RYR2: variants seen among roughly 807,000 people sequenced by gnomAD.
The protein encoded by RYR2 is cardiac muscle ryanodine receptor-calcium release channel.
A neutral mutation model predicts 601.1 loss-of-function variants in RYR2; 227 were observed. The observed-to-expected ratio is 0.38, with a 90% CI of 0.34 to 0.42. RYR2 has a LOEUF of 0.42. RYR2 is among the 10% of genes least tolerant of loss of function. The probability of loss-of-function intolerance (pLI) is 1.00; values close to 1 mark genes in which losing one functional copy is unlikely to be tolerated. For synonymous variants in RYR2, 2,223 were observed against 2,175.1 expected (o/e 1.02, Z -0.61); for missense variants, 4,646 against 6,156.5 (o/e 0.75, Z 8.21).
At chr1:237,807,571 C>T (rs1163681354) in intron 99 of RYR2, among the ~76,000 whole-genome samples, 4 of 152,078 alleles carry the variant, frequency 2.6e-5, no homozygotes, top group East Asian at 1.9e-4. Flanking sequence ...AGGCTGGTCT[C>T]GAACTTCTGA....
Position 237,615,882 on chromosome 1 carries a change from A to T in RYR2, c.5715+1039A>T, listed in dbSNP as rs562467432. Among the ~76,000 whole-genome samples, 23 of 152,346 alleles carry T rather than the reference A, an allele frequency of 1.5e-4. No homozygotes were observed. In the South Asian group the frequency reaches 4.6e-3, roughly 30 times the overall value. On this transcript the variant is annotated intron_variant, in intron 37 of 104. Transcript: ENST00000366574. ...GACCCCTCAGAGATTTTGACTTTTA[A>T]GCTGAGTTCAGATTTAAGAGTTGTG...
chr1:237,439,372 C>T (rs1182058075), intron 12 of RYR2, among the ~76,000 whole-genome samples: 3 of 152,126 alleles, frequency 2.0e-5, no homozygotes, highest in East Asian at 1.9e-4. Flanking sequence ...CGGCCGGGAG[C>T]GGTGGCTCAC....
At chr1:237,523,600 G>A (rs113342977) in intron 24 of RYR2, among the ~76,000 whole-genome samples, 3,308 of 152,124 alleles carry the variant, frequency 0.022, 39 homozygotes, top group African/African-American at 0.028. Flanking sequence ...AGCTGCACGT[G>A]GTGGCAGGCG....
intron 84 of RYR2, 24 bp downstream of exon 84, chr1:237,761,052 G>T: frequency 7.3e-7 from 1 of 1,368,332 alleles, no homozygotes; most frequent in South Asian, 1.3e-5. Context: ...ACATTAAAAG[G>T]ATCACCTGTC....
At position 237,456,622 on chromosome 1, in the gene RYR2, A is replaced by C. The variant is rs753135870; in HGVS notation, c.1499A>C (p.Glu500Ala). ...CAGGGAATGATCAACCTCGTGCTTGAGTGCATAGACCGTTTGCACGTCTAC... is the reference window on the plus strand; with the variant it reads ...CAGGGAATGATCAACCTCGTGCTTGCGTGCATAGACCGTTTGCACGTCTAC... ...QEEGMINLVL[E>A]CIDRLHVYSS... The change falls in exon 16 of 105, where the codon GAG becomes GCG. Residue 500 changes from glutamate (E) to alanine (A), a missense_variant. Physicochemically the swap from Glu to Ala is moderately radical, Grantham distance 107 (BLOSUM62 -1). Coordinates refer to ENST00000366574, the MANE Select transcript of RYR2 (RefSeq NM_001035.3). The C allele has an allele frequency of 6.3e-7, 1 of 1,576,732 alleles. No individual in the cohort carries two copies. The highest frequency in any genetic ancestry group is 1.2e-5 in the South Asian group (1 of 85,132).
At chr1:237,715,023 A>G (rs1401510803) in intron 71 of RYR2, among the ~76,000 whole-genome samples, 3 of 124,986 alleles carry the variant, frequency 2.4e-5, no homozygotes, top group African/African-American at 2.9e-5. Context: ...AAAAAAAAAA[A>G]GGGCTCAGGT....
At chr1:237,438,626 T>C (rs1707619297) in intron 12 of RYR2, among the ~76,000 whole-genome samples, 1 of 152,238 alleles carries the variant, frequency 6.6e-6, no homozygotes, top group African/African-American at 2.4e-5. Context: ...AAAGATTTTG[T>C]AGATAACTTT....
intron 41 of RYR2, among the ~76,000 whole-genome samples, chr1:237,629,759 G>T (rs2148675525): frequency 6.6e-6 from 1 of 152,182 alleles, no homozygotes. Flanking sequence ...TAATGATACA[G>T]ACTGTTTCAT....
At chr1:237,693,371 G>A (rs192801695) in intron 63 of RYR2, among the ~76,000 whole-genome samples, 5 of 152,240 alleles carry the variant, frequency 3.3e-5, no homozygotes, top group African/African-American at 7.2e-5. Flanking sequence ...GAAAAGGCAG[G>A]CATGAAATAT....
Position 237,832,658 on chromosome 1 carries a change from A to G in RYR2, c.*11A>G. ...GACCAGCTAAATTAAACTCAGACCC[A>G]ATCACCTCTAAAAACCAAAACCCTA... On this transcript the variant is annotated 3_prime_UTR_variant, in exon 105 of 105. Transcript: ENST00000366574. 1 of 1,573,300 alleles carries G rather than the reference A, an allele frequency of 6.4e-7. No individual in the cohort carries two copies. Among genetic ancestry groups the G allele is most frequent in the Non-Finnish European group, 8.7e-7 (1 of 1,145,048 alleles).
chr1:237,550,469 G>T lies in RYR2; in HGVS notation c.3067-75G>T, dbSNP rs193282498. On this transcript the variant is annotated intron_variant, in intron 26 of 104. Transcript: ENST00000366574. ...GTTTTTCTCATGGAATTTAAAGTTTGATGTATTTGGTAGCTACTTATTTCT... is the reference window on the plus strand; with the variant it reads ...GTTTTTCTCATGGAATTTAAAGTTTTATGTATTTGGTAGCTACTTATTTCT... 1.1e-4 allele frequency: 173 copies of T among 1,510,046 alleles called. 4 individuals are homozygous for T. The African/African-American group carries it at 2.0e-3, about 18-fold the overall frequency. 93.5% of individuals were successfully genotyped at this position (1,510,046 alleles called of 1,614,324 possible).
At chr1:237,174,712 C>T (rs1339484307) in intron 1 of RYR2, among the ~76,000 whole-genome samples, 1 of 152,134 alleles carries the variant, frequency 6.6e-6, no homozygotes, top group East Asian at 1.9e-4. Context: ...ATGGTGACTC[C>T]ATTTTAATTT....
chr1:237,075,185 T>C (rs1288136868), intron 1 of RYR2, among the ~76,000 whole-genome samples: 1 of 151,852 alleles, frequency 6.6e-6, no homozygotes, highest in Non-Finnish European at 1.5e-5. Flanking sequence ...TTTTCTGCCT[T>C]TTTTTTTGGC....
At chr1:237,087,186 G>C (rs944550618) in intron 1 of RYR2, among the ~76,000 whole-genome samples, 1 of 152,160 alleles carries the variant, frequency 6.6e-6, no homozygotes, top group African/African-American at 2.4e-5. Flanking sequence ...ATTAGTTGCT[G>C]GTGCTTCCAG....
intron 1 of RYR2, among the ~76,000 whole-genome samples, chr1:237,088,614 C>T (rs1224271363): frequency 1.3e-5 from 2 of 152,136 alleles, no homozygotes; most frequent in Non-Finnish European, 1.5e-5. Context: ...ATCATTCTTC[C>T]ATGTTTTTGA....
At chr1:237,702,176 C>T in intron 66 of RYR2, 117 bp downstream of exon 66, 1 of 618,406 alleles carries the variant, frequency 1.6e-6, no homozygotes, top group Non-Finnish European at 2.8e-6. Context: ...ACCGGATTGA[C>T]CTTTGAAATT....
intron 18 of RYR2, 76 bp from the exon 19 acceptor site, chr1:237,492,878 A>AG (rs2150419954): frequency 3.0e-6 from 4 of 1,325,640 alleles, no homozygotes; most frequent in South Asian, 1.4e-5. Flanking sequence ...GAAGAAGGGA[A>AG]GGAAGGAAGG....
intron 1 of RYR2, among the ~76,000 whole-genome samples, chr1:237,214,975 G>C (rs145376397): frequency 6.6e-6 from 1 of 152,274 alleles, no homozygotes; most frequent in Non-Finnish European, 1.5e-5. Context: ...TTGAGCAGGA[G>C]AAAGGAAATG....
chr1:237,639,239 C>A, intron 46 of RYR2, 38 bp downstream of exon 46: 4 of 1,520,304 alleles, frequency 2.6e-6, no homozygotes, highest in Non-Finnish European at 3.5e-6. Context: ...GTGATCCATA[C>A]TACTTGATGT....
Sources: allele counts gnomAD v4.1 joint callset (sites outside exome capture counted in the v4.1 genomes callset), GRCh38; gene constraint gnomAD v4.1.1; transcripts MANE v1.5; gene names NCBI Gene and HGNC (gene_info 2026-07-23, HGNC 2026-07-21).